Variants in CCDC102B observed in about 807,000 individuals in gnomAD.
CCDC102B encodes coiled-coil domain containing 102B, also known as coiled-coil domain-containing protein 102B.
In CCDC102B, 75 loss-of-function variants were observed where a neutral mutation model predicts 57.4. The observed-to-expected ratio is 1.31, with a 90% confidence interval of 1.08 to 1.58. The LOEUF is 1.58. CCDC102B is among the 40% of genes most tolerant of loss of function. The probability of loss-of-function intolerance (pLI) is 0.00; values close to 1 mark genes in which losing one functional copy is unlikely to be tolerated. For missense variants in CCDC102B, 636 were observed against 582.6 expected, an observed-to-expected ratio of 1.09 and a Z score of -0.94; for synonymous variants, 206 against 201.9, an observed-to-expected ratio of 1.02 and a Z score of -0.17.
chr18:68,862,581 A>G (rs1437694095), intron 4 of CCDC102B, among the ~76,000 whole-genome samples: 2 of 152,158 alleles, frequency 1.3e-5, no homozygotes, highest in Admixed American at 1.3e-4. Flanking sequence ...GCAAAAAGTT[A>G]GCCTCCTATT....
At chr18:68,932,259 G>A (rs910879694) in intron 6 of CCDC102B, among the ~76,000 whole-genome samples, 10 of 150,388 alleles carry the variant, frequency 6.6e-5, no homozygotes, top group South Asian at 2.1e-4. Flanking sequence ...CCACTATTTC[G>A]GCATTAAATA....
At chr18:68,737,552 T>G in intron 2 of CCDC102B, among the ~76,000 whole-genome samples, 1 of 150,462 alleles carries the variant, frequency 6.6e-6, no homozygotes, top group Non-Finnish European at 1.5e-5. Flanking sequence ...GAAGGGAGGG[T>G]TTTCTCAAAC....
intron 7 of CCDC102B, among the ~76,000 whole-genome samples, chr18:69,052,159 A>G (rs191761766): frequency 4.6e-5 from 7 of 152,094 alleles, no homozygotes; most frequent in African/African-American, 1.7e-4. Context: ...AAAGAAATGG[A>G]AAAATGCCAA....
intron 6 of CCDC102B, among the ~76,000 whole-genome samples, chr18:68,903,071 G>A (rs574174574): frequency 6.6e-6 from 1 of 152,288 alleles, no homozygotes; most frequent in Non-Finnish European, 1.5e-5. Context: ...AGGTAAATGA[G>A]TTTTCATAGA....
chr18:68,922,487 C>G (rs767222936), intron 6 of CCDC102B, among the ~76,000 whole-genome samples: 1 of 152,134 alleles, frequency 6.6e-6, no homozygotes, highest in Non-Finnish European at 1.5e-5. Flanking sequence ...GAGTCAGAAG[C>G]AGCACTTGAA....
chr18:68,839,689 C>A (rs1234730492), intron 3 of CCDC102B, among the ~76,000 whole-genome samples: 2 of 152,118 alleles, frequency 1.3e-5, no homozygotes, highest in African/African-American at 4.8e-5. Context: ...GGCAGTCCAT[C>A]TCGGTTTTCA....
Position 69,054,882 on chromosome 18 carries a change from T to C in CCDC102B, c.*745T>C. ...TAGAAATCAGGCCAAAATTAAGCTG[T>C]GGTTTCCCTCTGAGTAGTGGGAATA... On this transcript the variant is annotated 3_prime_UTR_variant, in exon 8 of 8. Coordinates refer to ENST00000360242, the MANE Select transcript of CCDC102B (RefSeq NM_024781.3). 1 of 985,352 alleles carries C rather than the reference T, an allele frequency of 1.0e-6. No homozygotes were observed. Among genetic ancestry groups the C allele is most frequent in the Non-Finnish European group, 1.2e-6 (1 of 829,898 alleles). The allele number at this position is 985,352 out of a possible 1,614,324, so 61.0% of individuals were successfully genotyped here.
chr18:68,734,645 T>G (rs1276019073), intron 2 of CCDC102B: 1 of 152,210 alleles, frequency 6.6e-6, no homozygotes, highest in Non-Finnish European at 1.5e-5. Flanking sequence ...ATTTTTTTCA[T>G]ATTTTTATAA....
At chr18:68,923,021 C>G (rs76082478) in intron 6 of CCDC102B, among the ~76,000 whole-genome samples, 3,552 of 152,012 alleles carry the variant, frequency 0.023, 58 homozygotes, top group African/African-American at 0.041. Flanking sequence ...AAAAAAAATT[C>G]AATATATTAC....
In CCDC102B at chr18:68,968,324, C is replaced by T. The variant is rs149721251; in HGVS notation, c.1264-42610C>T. Among the ~76,000 whole-genome samples, 1,109 of 152,226 alleles carry T rather than the reference C, an allele frequency of 7.3e-3. 13 individuals carry two copies. Among genetic ancestry groups the T allele is most frequent in the African/African-American group, 0.025 (1,025 of 41,540 alleles). On this transcript the variant is annotated intron_variant, in intron 6 of 7. Coordinates refer to ENST00000360242, the MANE Select transcript of CCDC102B (RefSeq NM_024781.3). ...TGTAGGCAATACTGAGCTTCTCTGACGCAGCTCTGAAATCCCCTTATAGTT... is the reference window on the plus strand; with the variant it reads ...TGTAGGCAATACTGAGCTTCTCTGATGCAGCTCTGAAATCCCCTTATAGTT...
intron 6 of CCDC102B, among the ~76,000 whole-genome samples, chr18:68,954,059 T>G (rs1326076714): frequency 1.3e-5 from 2 of 151,418 alleles, no homozygotes; most frequent in African/African-American, 2.4e-5. Flanking sequence ...AGATAATAGT[T>G]TTTTTTTTAA....
chr18:68,793,480 T>A (rs1297230886), upstream of CCDC102B, among the ~76,000 whole-genome samples: 1 of 152,184 alleles, frequency 6.6e-6, no homozygotes, highest in Non-Finnish European at 1.5e-5. Flanking sequence ...AATTTTAAAA[T>A]CACTATATAC....
At chr18:68,962,539 C>T (rs1036617801) in intron 6 of CCDC102B, among the ~76,000 whole-genome samples, 16 of 151,974 alleles carry the variant, frequency 1.1e-4, no homozygotes, top group Non-Finnish European at 4.4e-5. Context: ...ATTATCCCAT[C>T]CATCCATTAT....
chr18:68,848,918 A>C (rs1332450088), intron 4 of CCDC102B, among the ~76,000 whole-genome samples: 1 of 152,138 alleles, frequency 6.6e-6, no homozygotes, highest in Non-Finnish European at 1.5e-5. Flanking sequence ...AAGGTAAAAA[A>C]TTTTTAAAAA....
At chr18:68,862,043 T>A (rs943375638) in intron 4 of CCDC102B, among the ~76,000 whole-genome samples, 1 of 152,208 alleles carries the variant, frequency 6.6e-6, no homozygotes, top group African/African-American at 2.4e-5. Context: ...AATGTGTATG[T>A]TATAGATTGA....
At chr18:68,794,839 T>A (rs1417317471), upstream of CCDC102B, among the ~76,000 whole-genome samples, 1 of 152,018 alleles carries the variant, frequency 6.6e-6, no homozygotes, top group Non-Finnish European at 1.5e-5. Flanking sequence ...ATGCTATCAA[T>A]GAACAAATAA....
intron 2 of CCDC102B, among the ~76,000 whole-genome samples, chr18:68,743,252 TAAAA>T (rs869091420): frequency 6.9e-6 from 1 of 144,196 alleles, no homozygotes; most frequent in East Asian, 2.1e-4. Flanking sequence ...AATAAATAAA[TAAAA>T]AATTAGACAG....
intron 6 of CCDC102B, among the ~76,000 whole-genome samples, chr18:68,988,217 A>AG (rs945290533): frequency 6.0e-5 from 9 of 150,500 alleles, no homozygotes; most frequent in African/African-American, 2.0e-4. Flanking sequence ...CAGCCATAAA[A>AG]GGGAAAAAAA....
chr18:68,772,105 C>A (rs2034659134), intron 2 of CCDC102B, among the ~76,000 whole-genome samples: 1 of 152,122 alleles, frequency 6.6e-6, no homozygotes, highest in Admixed American at 6.6e-5. Context: ...GGAGGAGCAG[C>A]ATCAAATTCT....
Sources: gnomAD v4.1 joint callset for allele counts (sites outside exome capture counted in the v4.1 genomes callset) on GRCh38, gnomAD v4.1.1 for gene constraint, MANE v1.5 for transcripts, NCBI Gene and HGNC (gene_info 2026-07-23, HGNC 2026-07-21) for gene names.